Variants in TNFSF13B observed in about 807,000 individuals in gnomAD.
The protein encoded by TNFSF13B is tumor necrosis factor ligand superfamily member 13B.
TNFSF13B carries 8 observed loss-of-function variants against 29.1 expected under a neutral mutation model. That is an observed-to-expected ratio of 0.27 (90% CI 0.16 to 0.50). TNFSF13B has a LOEUF of 0.50. Among genes scored for constraint, TNFSF13B ranks in the 20% least tolerant of loss-of-function variants. The probability of loss-of-function intolerance (pLI) is 0.98; values close to 1 mark genes in which losing one functional copy is unlikely to be tolerated. For synonymous variants in TNFSF13B, 125 were observed against 130.8 expected (o/e 0.96, Z 0.30); for missense variants, 248 against 334.9 (o/e 0.74, Z 2.03).
chr13:108,282,684 A>G (rs1880990426), intron 2 of TNFSF13B, among the ~76,000 whole-genome samples: 1 of 152,130 alleles, frequency 6.6e-6, no homozygotes, highest in Non-Finnish European at 1.5e-5. Context: ...TGTGAAGTTT[A>G]TTATGATGAG....
At chr13:108,272,072 G>T (rs1223461180) in intron 2 of TNFSF13B, among the ~76,000 whole-genome samples, 1 of 152,064 alleles carries the variant, frequency 6.6e-6, no homozygotes, top group African/African-American at 2.4e-5. Flanking sequence ...ATTCTTGCTT[G>T]CATGTTATTT....
intron 3 of TNFSF13B, among the ~76,000 whole-genome samples, chr13:108,290,302 C>T (rs1465283260): frequency 6.6e-6 from 1 of 152,106 alleles, no homozygotes; most frequent in Non-Finnish European, 1.5e-5. Context: ...CAATAGACTT[C>T]TTGGTGTCCA....
chr13:108,298,597 T>A (rs1332142445), intron 3 of TNFSF13B, among the ~76,000 whole-genome samples: 4 of 145,672 alleles, frequency 2.7e-5, no homozygotes, highest in African/African-American at 7.8e-5. Flanking sequence ...TTTAATATTA[T>A]GTTGGCATTT....
chr13:108,282,863 T>TA lies in TNFSF13B; in HGVS notation c.425-3932dup, dbSNP rs931984000. ...TTAAAAGAAAAAACAATAACAAACA[T>TA]AAAAAAAACTATTCTTAACCTCTTG... On this transcript the variant is annotated intron_variant, in intron 2 of 5. Transcript: ENST00000375887. 3.2e-4 allele frequency among the ~76,000 whole-genome samples: 49 copies of TA among 152,000 alleles called. 1 individual carries two copies. Among genetic ancestry groups the TA allele is most frequent in the Admixed American group, 2.8e-3 (43 of 15,274 alleles).
chr13:108,293,818 G>C (rs1326822216), intron 3 of TNFSF13B, among the ~76,000 whole-genome samples: 1 of 152,150 alleles, frequency 6.6e-6, no homozygotes, highest in Admixed American at 6.6e-5. Flanking sequence ...TGTGAATGGT[G>C]GTCTTTTCAT....
At chr13:108,282,874 A>G (rs896977340) in intron 2 of TNFSF13B, among the ~76,000 whole-genome samples, 2 of 152,232 alleles carry the variant, frequency 1.3e-5, no homozygotes, top group African/African-American at 4.8e-5. Flanking sequence ...AAAAAAAACT[A>G]TTCTTAACCT....
chr13:108,304,219 A>G (rs1439632477), intron 5 of TNFSF13B, among the ~76,000 whole-genome samples: 2 of 152,134 alleles, frequency 1.3e-5, no homozygotes, highest in Non-Finnish European at 2.9e-5. Context: ...GGTAAGGGAA[A>G]GTTGTACAAT....
chr13:108,295,040 G>A (rs1261188158), intron 3 of TNFSF13B, among the ~76,000 whole-genome samples: 1 of 144,566 alleles, frequency 6.9e-6, no homozygotes, highest in Admixed American at 6.8e-5. Flanking sequence ...ATTTCCAATG[G>A]GCCATTAATA....
rs1420232953 is a variant in TNFSF13B at position 108,270,202 on chromosome 13, G to A, written c.307G>A (p.Glu103Lys). 10 of 1,602,922 alleles carry A rather than the reference G, an allele frequency of 6.2e-6. No individual in the cohort carries two copies. Among genetic ancestry groups the A allele is most frequent in the Non-Finnish European group, 7.6e-6 (9 of 1,178,576 alleles). ...AGAGAPKAGLEEAPAVTAGLK... is the reference protein window; with the variant it reads ...AGAGAPKAGLKEAPAVTAGLK... ...AGCAGGAGCCCCCAAGGCCGGCCTG[G>A]AGGAAGCTCCAGCTGTCACCGCGGG... The change falls in exon 1 of 6, where the codon GAG (glutamate) becomes AAG (lysine). Residue 103 changes from glutamate to lysine, a missense_variant. Glu to Lys is a moderately conservative substitution (Grantham distance 56). Around this residue, in one of 2 missense-constraint regions of TNFSF13B, gnomAD observed 186 missense variants for 196.3 expected, o/e 0.95. Coordinates refer to ENST00000375887, the MANE Select transcript of TNFSF13B (RefSeq NM_006573.5).
Position 108,286,971 on chromosome 13 carries a change from T to C in TNFSF13B, c.481+112T>C, listed in dbSNP as rs567883336. On this transcript the variant is annotated intron_variant, in intron 3 of 5. Transcript: ENST00000375887. ...TGGAATACTATGCAGCCATAAAAAA[T>C]GATGAGTTCATGTCCTTTGTAGGGA... 31 of 593,790 alleles carry C rather than the reference T, an allele frequency of 5.2e-5. No homozygotes were observed. The East Asian group carries it at 1.3e-3, about 25-fold the overall frequency. 36.8% of individuals were successfully genotyped at this position (593,790 alleles called of 1,614,324 possible).
chr13:108,300,576 A>C (rs1031012392), intron 3 of TNFSF13B, among the ~76,000 whole-genome samples: 6 of 152,228 alleles, frequency 3.9e-5, no homozygotes, highest in African/African-American at 1.4e-4. Context: ...ATGTCATTTA[A>C]ACAAAATTAA....
chr13:108,269,764 T>C lies in TNFSF13B; in HGVS notation c.-132T>C, dbSNP rs1351080727. ...CAGAAAGGAGAAAATTCAGGATAAC[T>C]CTCCTGAGGGGTGAGCCAAGCCCTG... On this transcript the variant is annotated 5_prime_UTR_variant, in exon 1 of 6. Transcript: ENST00000375887. 1.2e-5 allele frequency: 10 copies of C among 822,624 alleles called. No individual in the cohort carries two copies. Among genetic ancestry groups the C allele is most frequent in the Non-Finnish European group, 1.7e-5 (9 of 521,808 alleles). 51.0% of individuals were successfully genotyped at this position (822,624 alleles called of 1,614,324 possible).
chr13:108,294,549 G>A (rs948528348), intron 3 of TNFSF13B, among the ~76,000 whole-genome samples: 5 of 151,346 alleles, frequency 3.3e-5, no homozygotes, highest in African/African-American at 9.8e-5. Context: ...CTTGCATTTG[G>A]ATTTTTTTTT....
chr13:108,284,826 A>G (rs190278164), intron 2 of TNFSF13B, among the ~76,000 whole-genome samples: 3 of 152,296 alleles, frequency 2.0e-5, no homozygotes, highest in Non-Finnish European at 4.4e-5. Context: ...ATTTGTTGGA[A>G]AAATAAAAAC....
Position 108,306,991 on chromosome 13 carries a change from G to T in TNFSF13B, c.*53G>T. 1.0e-5 allele frequency: 2 copies of T among 197,020 alleles called. No individual in the cohort carries two copies. The highest frequency in any genetic ancestry group is 2.0e-5 in the Non-Finnish European group (2 of 101,124). 12.2% of individuals were successfully genotyped at this position (197,020 alleles called of 1,614,324 possible). ...TTCCTCCCTTTCTCTGTACCTCTAA[G>T]AAGAAAGAATCTAACTGAAAATACC... is the stretch of plus-strand genomic sequence containing the variant. On this transcript the variant is annotated 3_prime_UTR_variant, in exon 6 of 6. Transcript: ENST00000375887.
intron 5 of TNFSF13B, among the ~76,000 whole-genome samples, 157 bp from the exon 6 acceptor site, chr13:108,306,669 A>G (rs1455942498): frequency 6.6e-6 from 1 of 151,882 alleles, no homozygotes; most frequent in African/African-American, 2.4e-5. Flanking sequence ...TTTTTAGGCT[A>G]AGATAATTGC....
intron 3 of TNFSF13B, among the ~76,000 whole-genome samples, chr13:108,292,603 A>G (rs547048679): frequency 3.6e-4 from 54 of 152,076 alleles, no homozygotes; most frequent in African/African-American, 1.3e-3. Flanking sequence ...CTTATTTTCA[A>G]TGTTTTTATT....
intron 2 of TNFSF13B, among the ~76,000 whole-genome samples, chr13:108,275,045 A>G (rs1880727046): frequency 6.6e-6 from 1 of 152,154 alleles, no homozygotes; most frequent in Non-Finnish European, 1.5e-5. Flanking sequence ...AGCTTAATGT[A>G]TTTCATAATA....
chr13:108,283,136 A>G (rs1704599283), intron 2 of TNFSF13B, among the ~76,000 whole-genome samples: 1 of 152,220 alleles, frequency 6.6e-6, no homozygotes, highest in Admixed American at 6.5e-5. Context: ...GACCAGATCT[A>G]TGTTGAATGA....
Sources: allele counts gnomAD v4.1 joint callset (sites outside exome capture counted in the v4.1 genomes callset), GRCh38; gene constraint gnomAD v4.1.1; regional missense constraint gnomAD v4.1.1; transcripts MANE v1.5; gene names NCBI Gene and HGNC (gene_info 2026-07-23, HGNC 2026-07-21).